GRM7: variants seen among roughly 807,000 people sequenced by gnomAD.
GRM7 encodes metabotropic glutamate receptor 7.
GRM7 carries 35 observed loss-of-function variants against 84.5 expected under a neutral mutation model. That is an observed-to-expected ratio of 0.41 (90% CI 0.32 to 0.55). The LOEUF is 0.55. GRM7 is among the 20% of genes least tolerant of loss of function. The pLI, the probability that GRM7 is intolerant of heterozygous loss-of-function variation, is 0.19. For missense variants in GRM7, 1,003 were observed against 1,194.6 expected, an observed-to-expected ratio of 0.84 and a Z score of 2.36; for synonymous variants, 487 against 455.1, an observed-to-expected ratio of 1.07 and a Z score of -0.89.
At chr3:7,719,235 C>G (rs1701861144) in intron 9 of GRM7, among the ~76,000 whole-genome samples, 1 of 152,128 alleles carries the variant, frequency 6.6e-6, no homozygotes, top group Admixed American at 6.5e-5. Flanking sequence ...TTGCTGCCAC[C>G]AAAAACTGGA....
intron 5 of GRM7, among the ~76,000 whole-genome samples, chr3:7,444,703 AC>A (rs1413392837): frequency 1.3e-5 from 2 of 151,342 alleles, no homozygotes; most frequent in East Asian, 3.9e-4. Context: ...CCCACCATCC[AC>A]CCCCTGCTCC....
At chr3:7,517,369 TTAG>T (rs58901879) in intron 7 of GRM7, among the ~76,000 whole-genome samples, 104,695 of 140,552 alleles carry the variant, frequency 0.74, 36,550 homozygotes, top group African/African-American at 0.79. Context: ...ACTATTATTA[TTAG>T]TAGTAGTAGT....
At chr3:7,263,985 G>A (rs1344242661) in intron 2 of GRM7, among the ~76,000 whole-genome samples, 2 of 152,116 alleles carry the variant, frequency 1.3e-5, no homozygotes, top group Non-Finnish European at 2.9e-5. Flanking sequence ...AGGCTGCATT[G>A]TGGGGAGGGC....
intron 8 of GRM7, among the ~76,000 whole-genome samples, chr3:7,613,694 C>T (rs1248953283): frequency 6.6e-6 from 1 of 152,282 alleles, no homozygotes; most frequent in East Asian, 1.9e-4. Context: ...AATTTCCTCT[C>T]TAAGGCCCCT....
intron 9 of GRM7, among the ~76,000 whole-genome samples, chr3:7,684,671 A>T (rs966847964): frequency 2.0e-5 from 3 of 152,222 alleles, no homozygotes; most frequent in African/African-American, 7.2e-5. Flanking sequence ...TCCTTAGCTA[A>T]CAGTCCATTG....
chr3:7,312,560 T>C (rs1700438521), intron 4 of GRM7, among the ~76,000 whole-genome samples: 1 of 152,178 alleles, frequency 6.6e-6, no homozygotes, highest in South Asian at 2.1e-4. Context: ...GACTGTGGAT[T>C]TGTCATTTGT....
At chr3:7,713,377 T>C (rs940392721) in intron 9 of GRM7, among the ~76,000 whole-genome samples, 1 of 151,862 alleles carries the variant, frequency 6.6e-6, no homozygotes, top group African/African-American at 2.4e-5. Flanking sequence ...CCTCAAGTGA[T>C]CCCACCCGCC....
chr3:7,716,790 A>G (rs1701783891), intron 9 of GRM7, among the ~76,000 whole-genome samples: 1 of 152,230 alleles, frequency 6.6e-6, no homozygotes, highest in South Asian at 2.1e-4. Flanking sequence ...GATTCATGCA[A>G]ACCAATTCCA....
intron 1 of GRM7, among the ~76,000 whole-genome samples, chr3:7,088,458 G>T (rs1698538001): frequency 6.6e-6 from 1 of 151,646 alleles, no homozygotes; most frequent in Non-Finnish European, 1.5e-5. Flanking sequence ...ATAGTGTATT[G>T]ACTCTAGATG....
chr3:7,506,343 C>T (rs1010818518), intron 7 of GRM7, among the ~76,000 whole-genome samples: 6 of 152,094 alleles, frequency 3.9e-5, no homozygotes, highest in African/African-American at 1.2e-4. Flanking sequence ...CCAGACATTC[C>T]CTAGTCTTCT....
At chr3:7,540,159 G>A (rs1245785652) in intron 7 of GRM7, among the ~76,000 whole-genome samples, 1 of 152,108 alleles carries the variant, frequency 6.6e-6, no homozygotes, top group Non-Finnish European at 1.5e-5. Flanking sequence ...GTTGCTTTAG[G>A]AAACAGTTTT....
At chr3:7,268,223 T>A (rs926139729) in intron 2 of GRM7, among the ~76,000 whole-genome samples, 1 of 151,988 alleles carries the variant, frequency 6.6e-6, no homozygotes, top group African/African-American at 2.4e-5. Flanking sequence ...GAGACACAGC[T>A]GGGTGAGGTG....
intron 1 of GRM7, among the ~76,000 whole-genome samples, chr3:7,000,332 T>G (rs1694967380): frequency 6.6e-6 from 1 of 152,040 alleles, no homozygotes; most frequent in African/African-American, 2.4e-5. Flanking sequence ...CAATTGCACC[T>G]GGCTAATATG....
chr3:7,233,114 A>C (rs1212955087), intron 2 of GRM7, among the ~76,000 whole-genome samples: 1 of 152,176 alleles, frequency 6.6e-6, no homozygotes, highest in African/African-American at 2.4e-5. Context: ...TATTTTTCTT[A>C]ACTTCAAAAA....
rs1053957817 is a variant in GRM7 at position 7,495,489 on chromosome 3, C to T, written c.1515+33767C>T. 2.6e-5 allele frequency among the ~76,000 whole-genome samples: 4 copies of T among 152,102 alleles called. No individual in the cohort carries two copies. The South Asian group carries it at 6.2e-4, about 24-fold the overall frequency. ...CTGGATTAGGGAGAAAAGGCTCAGA[C>T]CCGTGGTGACAAAGAGGCTTCCTGG... On this transcript the variant is annotated intron_variant, in intron 7 of 9. Transcript: ENST00000357716.
intron 1 of GRM7, among the ~76,000 whole-genome samples, chr3:6,997,031 A>G (rs1381497479): frequency 4.6e-5 from 7 of 152,228 alleles, no homozygotes; most frequent in African/African-American, 1.7e-4. Flanking sequence ...TTAAAAAGCA[A>G]GAAAAATGTT....
Position 6,895,721 on chromosome 3 carries a change from G to T in GRM7, c.519+33814G>T, listed in dbSNP as rs1302935701. The stretch of plus-strand genomic sequence containing the variant: ...GCCATTATATTAGGTTAAGCAAAGT[G>T]GGAAAATGGCATAAGAATATTTGAA... On this transcript the variant is annotated intron_variant, in intron 1 of 9. Coordinates refer to ENST00000357716, the MANE Select transcript of GRM7 (RefSeq NM_000844.4). Among the ~76,000 whole-genome samples, 4 of 152,070 alleles carry T rather than the reference G, an allele frequency of 2.6e-5. No individual in the cohort carries two copies. The East Asian group carries it at 7.7e-4, about 29-fold the overall frequency.
At chr3:7,206,880 C>T (rs572395264) in intron 2 of GRM7, among the ~76,000 whole-genome samples, 4 of 152,166 alleles carry the variant, frequency 2.6e-5, no homozygotes, top group African/African-American at 9.6e-5. Context: ...AGACTCAGAA[C>T]CCCCAGGTGT....
At chr3:7,141,809 G>A (rs947853344) in intron 1 of GRM7, among the ~76,000 whole-genome samples, 1 of 151,880 alleles carries the variant, frequency 6.6e-6, no homozygotes, top group Non-Finnish European at 1.5e-5. Flanking sequence ...AACAAAAGAT[G>A]TTCTTTTCTG....
Sources: gnomAD v4.1 joint callset for allele counts (sites outside exome capture counted in the v4.1 genomes callset) on GRCh38, gnomAD v4.1.1 for gene constraint, MANE v1.5 for transcripts, NCBI Gene and HGNC (gene_info 2026-07-23, HGNC 2026-07-21) for gene names.